The following GAS7 variants were observed in gnomAD, a reference collection of about 807,000 sequenced individuals.
GAS7 encodes the protein growth arrest-specific protein 7.
In GAS7, 28 loss-of-function variants were observed where a neutral mutation model predicts 71.1. The observed-to-expected ratio is 0.39, with a 90% CI of 0.29 to 0.54. The LOEUF (loss-of-function observed/expected upper bound fraction) is 0.54. Among genes scored for constraint, GAS7 ranks in the 20% least tolerant of loss-of-function variants. The probability of loss-of-function intolerance (pLI) is 0.62; values close to 1 mark genes in which losing one functional copy is unlikely to be tolerated. For missense variants in GAS7, 436 were observed against 627.8 expected (o/e 0.69, Z 3.27); for synonymous variants, 258 against 245.8 (o/e 1.05, Z -0.46).
intron 1 of GAS7, among the ~76,000 whole-genome samples, chr17:10,181,087 C>T (rs1389378263): frequency 5.5e-5 from 8 of 145,920 alleles, no homozygotes; most frequent in South Asian, 2.2e-4. Context: ...GCGGTGGGGG[C>T]ACGGTGGCTC....
At chr17:10,138,317 C>T (rs534217855) in intron 1 of GAS7, among the ~76,000 whole-genome samples, 20 of 152,252 alleles carry the variant, frequency 1.3e-4, no homozygotes, top group African/African-American at 4.8e-4. Flanking sequence ...GGAAGGACTT[C>T]TTAACTCATG....
intron 1 of GAS7, among the ~76,000 whole-genome samples, chr17:10,151,335 G>GT (rs935227339): frequency 1.8e-4 from 27 of 147,436 alleles, no homozygotes; most frequent in Middle Eastern, 7.0e-3. Flanking sequence ...TTTTGTTTTT[G>GT]TTTTTTTTTT....
At chr17:10,021,492 G>A (rs958639509) in intron 1 of GAS7, among the ~76,000 whole-genome samples, 11 of 152,180 alleles carry the variant, frequency 7.2e-5, no homozygotes, top group Non-Finnish European at 5.9e-5. Flanking sequence ...GCGTAGCTGC[G>A]GTGTAAGTTT....
At chr17:9,948,683 A>G (rs1177997112) in intron 5 of GAS7, among the ~76,000 whole-genome samples, 1 of 134,094 alleles carries the variant, frequency 7.5e-6, no homozygotes, top group Non-Finnish European at 1.6e-5. Context: ...ACTCCCCCTC[A>G]AAAAAAAAAA....
At chr17:10,169,612 G>T (rs562801404) in intron 1 of GAS7, among the ~76,000 whole-genome samples, 52 of 152,202 alleles carry the variant, frequency 3.4e-4, no homozygotes, top group African/African-American at 1.2e-3. Context: ...CTGGTTTCCT[G>T]GTTTTCCGCC....
chr17:9,963,152 A>G lies in GAS7; in HGVS notation c.472-3897T>C, dbSNP rs150603218. ...ACGACAGAATATTCTTCTGTCATAA[A>G]AAGGAATGGAGTGTTCATCCATGCC... On this transcript the variant is annotated intron_variant, in intron 4 of 13. Coordinates refer to ENST00000432992, the MANE Select transcript of GAS7 (RefSeq NM_201433.2). Among the ~76,000 whole-genome samples, 395 of 152,306 alleles carry G rather than the reference A, an allele frequency of 2.6e-3. 3 individuals are homozygous for G. The highest frequency in any genetic ancestry group is 0.01 in the Middle Eastern group (3 of 294).
At chr17:10,172,079 T>C (rs752232569) in intron 1 of GAS7, among the ~76,000 whole-genome samples, 6 of 152,200 alleles carry the variant, frequency 3.9e-5, no homozygotes, top group Non-Finnish European at 7.3e-5. Context: ...TACACCTCCA[T>C]CTGCTGCTTT....
chr17:10,124,141 T>C (rs978153995), intron 1 of GAS7, among the ~76,000 whole-genome samples: 1 of 152,236 alleles, frequency 6.6e-6, no homozygotes, highest in Non-Finnish European at 1.5e-5. Flanking sequence ...GAGCCGCCAC[T>C]GTGCCTGGGC....
chr17:9,996,951 T>A (rs1018543528), intron 2 of GAS7, among the ~76,000 whole-genome samples: 2 of 151,044 alleles, frequency 1.3e-5, no homozygotes, highest in African/African-American at 2.5e-5. Context: ...GAAGACTATA[T>A]TTTTATAGTA....
intron 1 of GAS7, among the ~76,000 whole-genome samples, chr17:10,028,681 T>G (rs2072533533): frequency 6.6e-6 from 1 of 151,340 alleles, no homozygotes; most frequent in African/African-American, 2.4e-5. Context: ...GCAAGTTGGT[T>G]TGAAAAAAAA....
chr17:10,194,858 CAAAAAA>C (rs5819269), intron 1 of GAS7, among the ~76,000 whole-genome samples: 4 of 85,196 alleles, frequency 4.7e-5, no homozygotes, highest in Admixed American at 4.5e-4. Flanking sequence ...GACTCTGTCT[CAAAAAA>C]AAAAAAAAAA....
Position 10,150,808 on chromosome 17 carries a change from C to T in GAS7, c.183+47400G>A, listed in dbSNP as rs147682989. Among the ~76,000 whole-genome samples, 117 of 152,106 alleles carry T rather than the reference C, an allele frequency of 7.7e-4. No individual in the cohort carries two copies. In the Middle Eastern group the frequency reaches 0.02, roughly 27 times the overall value. ...TTCACCATGTTGGCCAGGCTGGTCT[C>T]GAACTCCTGACCTAAAATGCTCCAC... On this transcript the variant is annotated intron_variant, in intron 1 of 13. Transcript: ENST00000432992.
intron 1 of GAS7, among the ~76,000 whole-genome samples, chr17:10,048,130 T>C (rs1361185897): frequency 6.6e-6 from 1 of 152,162 alleles, no homozygotes; most frequent in Non-Finnish European, 1.5e-5. Context: ...GGTGAAACCC[T>C]GTCTCTACTA....
intron 2 of GAS7, among the ~76,000 whole-genome samples, chr17:10,012,654 A>G (rs1312760205): frequency 6.6e-6 from 1 of 152,160 alleles, no homozygotes; most frequent in East Asian, 1.9e-4. Flanking sequence ...TATTTGTTGT[A>G]TAAATAAGAG....
At chr17:10,091,671 C>A (rs2073582860) in intron 1 of GAS7, among the ~76,000 whole-genome samples, 2 of 152,086 alleles carry the variant, frequency 1.3e-5, no homozygotes, top group Admixed American at 1.3e-4. Context: ...CAGGTGTGAG[C>A]CACCACGCCC....
chr17:10,133,108 T>C lies in GAS7; in HGVS notation c.183+65100A>G, dbSNP rs1038359653. ...ACTTTTTTCAAATTTTATAATTAGA[T>C]TATATATTTTTATATTTTTTTTTTT... On this transcript the variant is annotated intron_variant, in intron 1 of 13. Transcript: ENST00000432992. Among the ~76,000 whole-genome samples the C allele has an allele frequency of 8.1e-5, 10 of 124,154 alleles. 1 individual carries two copies. Among genetic ancestry groups the C allele is most frequent in the African/African-American group, 3.0e-4 (10 of 33,614 alleles). The allele number at this position is 124,154 out of a possible 152,430, so 81.4% of individuals were successfully genotyped here. A position where few individuals can be genotyped will look rare whatever the true frequency, so the allele number is the denominator to read the frequency against.
chr17:9,923,384 A>T (rs1378405108), intron 11 of GAS7, among the ~76,000 whole-genome samples: 1 of 152,164 alleles, frequency 6.6e-6, no homozygotes, highest in Non-Finnish European at 1.5e-5. Flanking sequence ...AAGCAAAAAA[A>T]AAAAATTACA....
chr17:9,982,824 G>GAAAAAAA (rs59205668), intron 2 of GAS7, among the ~76,000 whole-genome samples: 1 of 116,184 alleles, frequency 8.6e-6, no homozygotes, highest in African/African-American at 4.0e-5. Flanking sequence ...AGGAAAGAAA[G>GAAAAAAA]GAAAGAAAGA....
At chr17:10,167,655 CT>C (rs1018528874) in intron 1 of GAS7, among the ~76,000 whole-genome samples, 6 of 151,684 alleles carry the variant, frequency 4.0e-5, no homozygotes, top group Non-Finnish European at 8.8e-5. Context: ...TTGCGAAGGT[CT>C]TTTTTTTCTT....
Sources: gnomAD v4.1 joint callset for allele counts (sites outside exome capture counted in the v4.1 genomes callset) on GRCh38, gnomAD v4.1.1 for gene constraint, MANE v1.5 for transcripts, NCBI Gene and HGNC (gene_info 2026-07-23, HGNC 2026-07-21) for gene names.